FAM227A: variants seen among roughly 807,000 people sequenced by gnomAD.
FAM227A encodes protein FAM227A.
FAM227A carries 80 observed loss-of-function variants against 74.7 expected under a neutral mutation model. That is an observed-to-expected ratio of 1.07 (90% CI 0.89 to 1.29). FAM227A has a LOEUF of 1.29. Among genes scored for constraint, FAM227A ranks in the 50% most tolerant of loss-of-function variants. The pLI, the probability that FAM227A is intolerant of heterozygous loss-of-function variation, is 0.00. For missense variants in FAM227A, 654 were observed against 683.4 expected, an observed-to-expected ratio of 0.96 and a Z score of 0.48; for synonymous variants, 237 against 241.8, an observed-to-expected ratio of 0.98 and a Z score of 0.19.
intron 1 of FAM227A, among the ~76,000 whole-genome samples, chr22:38,654,069 C>G (rs1401741497): frequency 6.6e-6 from 1 of 152,124 alleles, no homozygotes; most frequent in Non-Finnish European, 1.5e-5. Flanking sequence ...GGGAGCAGGG[C>G]CGGGCGCGGT....
chr22:38,649,948 A>G (rs902197570), intron 2 of FAM227A, 79 bp downstream of exon 2: 1 of 1,288,236 alleles, frequency 7.8e-7, no homozygotes, highest in Admixed American at 2.0e-5. Context: ...TATAGACCTG[A>G]GCACTGATTA....
At chr22:38,630,746 G>A (rs1427641850) in intron 6 of FAM227A, among the ~76,000 whole-genome samples, 1 of 152,198 alleles carries the variant, frequency 6.6e-6, no homozygotes, top group East Asian at 1.9e-4. Flanking sequence ...GCCCTCCAGG[G>A]TTTCACAGAT....
chr22:38,607,338 G>C, intron 12 of FAM227A, 51 bp downstream of exon 12: 1 of 1,372,776 alleles, frequency 7.3e-7, no homozygotes, highest in Non-Finnish European at 1.0e-6. Flanking sequence ...GGGTTTTGGA[G>C]ACAATAACTA....
chr22:38,616,281 C>T (rs1371106633), intron 11 of FAM227A, among the ~76,000 whole-genome samples: 4 of 152,202 alleles, frequency 2.6e-5, no homozygotes, highest in Non-Finnish European at 5.9e-5. Flanking sequence ...GTGGGGTCCC[C>T]GCGCTGTTGG....
intron 6 of FAM227A, among the ~76,000 whole-genome samples, chr22:38,635,837 A>C (rs2091992643): frequency 6.6e-6 from 1 of 151,912 alleles, no homozygotes; most frequent in Non-Finnish European, 1.5e-5. Flanking sequence ...TCCTCTCTAC[A>C]AAAAAATTTT....
chr22:38,600,913 T>C (rs569471761), intron 13 of FAM227A, among the ~76,000 whole-genome samples: 1 of 150,644 alleles, frequency 6.6e-6, no homozygotes, highest in South Asian at 2.1e-4. Flanking sequence ...GATTGCACCA[T>C]TGCGCTCCAG....
intron 6 of FAM227A, among the ~76,000 whole-genome samples, chr22:38,629,965 C>G (rs1012660917): frequency 7.1e-6 from 1 of 140,372 alleles, no homozygotes; most frequent in Non-Finnish European, 1.5e-5. Flanking sequence ...CCTTTACCAT[C>G]AGGAAGCGTG....
At chr22:38,652,459 G>T (rs1170137599) in intron 1 of FAM227A, among the ~76,000 whole-genome samples, 2 of 151,506 alleles carry the variant, frequency 1.3e-5, no homozygotes, top group African/African-American at 4.9e-5. Flanking sequence ...ATGGTGGCGG[G>T]CACCTACAGT....
rs2090776453 is a variant in FAM227A, at chr22:38,585,013, T to C, written c.*1112A>G. On this transcript the variant is annotated 3_prime_UTR_variant, in exon 17 of 17. Coordinates refer to ENST00000535113, the MANE Select transcript of FAM227A (RefSeq NM_001013647.2). ...GGTTTCACCATGTTGGCCAGGATGG[T>C]CTCGAACTCCTGACCTCGTGATCTG... The C allele has an allele frequency of 6.6e-6, 1 of 152,016 alleles. No homozygotes were observed. The highest frequency in any genetic ancestry group is 1.5e-5 in the Non-Finnish European group (1 of 68,018). The allele number at this position is 152,016 out of a possible 1,614,324, so 9.4% of individuals were successfully genotyped here.
intron 10 of FAM227A, among the ~76,000 whole-genome samples, chr22:38,621,355 A>C (rs1236835333): frequency 6.6e-6 from 1 of 151,414 alleles, no homozygotes; most frequent in Non-Finnish European, 1.5e-5. Context: ...GTCTCAAAAA[A>C]AAAAAAAAGA....
intron 11 of FAM227A, among the ~76,000 whole-genome samples, chr22:38,611,223 C>CA (rs1159764707): frequency 3.9e-5 from 6 of 152,138 alleles, no homozygotes; most frequent in African/African-American, 1.4e-4. Context: ...GGAAGTGTTC[C>CA]AGCCCACCTG....
At chr22:38,626,544 T>C (rs1212738021) in intron 8 of FAM227A, among the ~76,000 whole-genome samples, 1 of 151,832 alleles carries the variant, frequency 6.6e-6, no homozygotes, top group Non-Finnish European at 1.5e-5. Flanking sequence ...TGCACTTGGC[T>C]ATACTCTTTA....
At chr22:38,609,575 T>C (rs999480011) in intron 11 of FAM227A, among the ~76,000 whole-genome samples, 3 of 152,140 alleles carry the variant, frequency 2.0e-5, no homozygotes, top group Admixed American at 2.0e-4. Context: ...AGACAAGCAG[T>C]CCACCAGCCT....
intron 2 of FAM227A, among the ~76,000 whole-genome samples, chr22:38,645,891 C>A (rs2092227292): frequency 6.6e-6 from 1 of 152,028 alleles, no homozygotes; most frequent in Non-Finnish European, 1.5e-5. Context: ...TCAATCGATC[C>A]TCCCACCTCA....
intron 3 of FAM227A, among the ~76,000 whole-genome samples, chr22:38,644,145 C>CA (rs950184744): frequency 0.17 from 7,013 of 42,428 alleles, 680 homozygotes; most frequent in African/African-American, 0.18. Context: ...GACTCCATCT[C>CA]AAAAAAAAAA....
chr22:38,605,206 C>T, intron 13 of FAM227A, 48 bp downstream of exon 13: 1 of 1,064,092 alleles, frequency 9.4e-7, no homozygotes, highest in Non-Finnish European at 1.4e-6. Context: ...ACACCTCTCA[C>T]CCCCTTTGGA....
In FAM227A at chr22:38,628,834, C is replaced by T; in HGVS notation, c.621G>A (p.Gln207=). Residue 207 remains glutamine (Q), a splice_region_variant and synonymous_variant, in exon 7 of 17, where the codon CAG becomes CAA. Coordinates refer to ENST00000535113, the MANE Select transcript of FAM227A (RefSeq NM_001013647.2). The part of the protein sequence containing the change: ...SFWWIFHERY[Q]PNKELQNNLF... ...GAGAAACAAGCAGATTTGTATTTAC[C>T]TGGTACCTCTCATGAAATATCCACC... The T allele has an allele frequency of 6.7e-7, 1 of 1,493,552 alleles. No homozygotes were observed. The highest frequency in any genetic ancestry group is 9.1e-7 in the Non-Finnish European group (1 of 1,098,374). 92.5% of individuals were successfully genotyped at this position (1,493,552 alleles called of 1,614,324 possible).
intron 12 of FAM227A, among the ~76,000 whole-genome samples, chr22:38,606,088 T>C (rs1602912992): frequency 6.6e-6 from 1 of 152,170 alleles, no homozygotes; most frequent in Admixed American, 6.5e-5. Flanking sequence ...CCAACTCTTA[T>C]ATCTAACTCA....
intron 9 of FAM227A, among the ~76,000 whole-genome samples, chr22:38,623,799 T>C (rs1048872884): frequency 1.3e-5 from 2 of 152,210 alleles, no homozygotes; most frequent in African/African-American, 4.8e-5. Context: ...ATCTGGCACA[T>C]AATAAATACA....
Sources: gnomAD v4.1 joint callset for allele counts (sites outside exome capture counted in the v4.1 genomes callset) on GRCh38, gnomAD v4.1.1 for gene constraint, MANE v1.5 for transcripts, NCBI Gene and HGNC (gene_info 2026-07-23, HGNC 2026-07-21) for gene names.